Variants in CADPS observed in about 807,000 individuals in gnomAD.
CADPS encodes the protein calcium dependent secretion activator, also known as calcium-dependent secretion activator 1.
In CADPS, 57 loss-of-function variants were observed where a neutral mutation model predicts 167.3. That is an observed-to-expected ratio of 0.34 (90% CI 0.28 to 0.42). The LOEUF (loss-of-function observed/expected upper bound fraction) is 0.42. Among genes scored for constraint, CADPS ranks in the 20% least tolerant of loss-of-function variants. The probability of loss-of-function intolerance (pLI) is 1.00; values close to 1 mark genes in which losing one functional copy is unlikely to be tolerated. For missense variants in CADPS, 1,414 were observed against 1,738.1 expected, an observed-to-expected ratio of 0.81 and a Z score of 3.32; for synonymous variants, 676 against 635.3, an observed-to-expected ratio of 1.06 and a Z score of -0.96.
intron 1 of CADPS, among the ~76,000 whole-genome samples, chr3:62,768,635 C>T (rs1327530952): frequency 1.3e-5 from 2 of 152,064 alleles, no homozygotes; most frequent in African/African-American, 4.8e-5. Context: ...CTGATCTCAC[C>T]TGTTACTTCT....
intron 1 of CADPS, among the ~76,000 whole-genome samples, chr3:62,851,926 T>C (rs1013046837): frequency 1.1e-4 from 17 of 151,870 alleles, no homozygotes; most frequent in Non-Finnish European, 1.9e-4. Flanking sequence ...CAGACGTAGA[T>C]TTGGTCTTTT....
At chr3:62,840,914 C>G (rs75484106) in intron 1 of CADPS, among the ~76,000 whole-genome samples, 1 of 152,044 alleles carries the variant, frequency 6.6e-6, no homozygotes, top group African/African-American at 2.4e-5. Context: ...TGTGATATAC[C>G]GATTAGGAAA....
intron 1 of CADPS, among the ~76,000 whole-genome samples, chr3:62,791,331 A>G (rs935584272): frequency 1.1e-4 from 17 of 152,182 alleles, no homozygotes; most frequent in African/African-American, 4.1e-4. Flanking sequence ...TTTAATTTCA[A>G]TTAATTGAAA....
intron 26 of CADPS, among the ~76,000 whole-genome samples, chr3:62,451,973 T>C (rs1214668814): frequency 6.6e-6 from 1 of 152,216 alleles, no homozygotes; most frequent in East Asian, 1.9e-4. Flanking sequence ...ACCAGCCTCA[T>C]ATCTAGAATG....
intron 1 of CADPS, among the ~76,000 whole-genome samples, chr3:62,784,951 G>A (rs1241087286): frequency 6.6e-6 from 1 of 152,134 alleles, no homozygotes; most frequent in African/African-American, 2.4e-5. Flanking sequence ...TACTGTTAGG[G>A]TTTCAGGTGT....
At chr3:62,576,064 C>T (rs544878472) in intron 8 of CADPS, among the ~76,000 whole-genome samples, 1 of 152,284 alleles carries the variant, frequency 6.6e-6, no homozygotes, top group East Asian at 1.9e-4. Flanking sequence ...GATGGAAGTT[C>T]TGTTATTGCA....
chr3:62,785,462 T>C (rs1035244013), intron 1 of CADPS, among the ~76,000 whole-genome samples: 10 of 152,192 alleles, frequency 6.6e-5, no homozygotes, highest in Admixed American at 3.3e-4. Flanking sequence ...GTTTTTGTTG[T>C]TGTTGTTGAT....
At chr3:62,489,826 A>G (rs1466546212) in intron 21 of CADPS, among the ~76,000 whole-genome samples, 1 of 152,204 alleles carries the variant, frequency 6.6e-6, no homozygotes, top group Non-Finnish European at 1.5e-5. Context: ...AACTGTCTTC[A>G]TTGTATTGAA....
chr3:62,413,747 T>C (rs2049449319), intron 28 of CADPS, among the ~76,000 whole-genome samples: 1 of 152,196 alleles, frequency 6.6e-6, no homozygotes, highest in Admixed American at 6.5e-5. Context: ...AGACAGTACA[T>C]TTTTTGTTAT....
At chr3:62,542,174 G>T (rs1002356021) in intron 11 of CADPS, among the ~76,000 whole-genome samples, 1 of 152,122 alleles carries the variant, frequency 6.6e-6, no homozygotes, top group Non-Finnish European at 1.5e-5. Context: ...TAATAAGCTA[G>T]AGGTAGCTGT....
chr3:62,852,481 T>G (rs2078825777), intron 1 of CADPS, among the ~76,000 whole-genome samples: 1 of 152,288 alleles, frequency 6.6e-6, no homozygotes, highest in South Asian at 2.1e-4. Flanking sequence ...TCATTTTCCT[T>G]TGCCCGGTGT....
chr3:62,690,966 T>C (rs1201488011), intron 3 of CADPS, among the ~76,000 whole-genome samples: 2 of 152,006 alleles, frequency 1.3e-5, no homozygotes, highest in Admixed American at 6.6e-5. Context: ...CTGTGGTACA[T>C]TTAGACAATA....
intron 4 of CADPS, among the ~76,000 whole-genome samples, chr3:62,652,952 C>T (rs2150249776): frequency 6.6e-6 from 1 of 152,152 alleles, no homozygotes; most frequent in East Asian, 1.9e-4. Flanking sequence ...CTCCATAGAG[C>T]TTGGAGATGT....
At chr3:62,821,386 T>A (rs943026159) in intron 1 of CADPS, among the ~76,000 whole-genome samples, 5 of 152,138 alleles carry the variant, frequency 3.3e-5, no homozygotes, top group African/African-American at 1.2e-4. Context: ...TATTTTGCAA[T>A]TCTGGAGTCT....
rs754525643 is a variant in CADPS, at chr3:62,875,050, G to T, written c.-21C>A. 6.4e-7 allele frequency: 1 copy of T among 1,572,030 alleles called. No individual in the cohort carries two copies. The highest frequency in any genetic ancestry group is 1.8e-5 in the Admixed American group (1 of 56,928). On this transcript the variant is annotated 5_prime_UTR_variant, in exon 1 of 30. Transcript: ENST00000383710. ...AGCATAGTGGCGCCTGGGGAGCGGG[G>T]TCTCTGGAGCCCCCGGCTTGGAGTG...
At chr3:62,668,098 C>T (rs1406518195) in intron 3 of CADPS, among the ~76,000 whole-genome samples, 4 of 152,280 alleles carry the variant, frequency 2.6e-5, no homozygotes, top group Admixed American at 1.3e-4. Context: ...TCATCAGTGT[C>T]GCTGCCAAGA....
At chr3:62,504,024 A>G (rs1195249647) in intron 17 of CADPS, among the ~76,000 whole-genome samples, 1 of 152,220 alleles carries the variant, frequency 6.6e-6, no homozygotes, top group African/African-American at 2.4e-5. Context: ...GCAGGCATGT[A>G]GGAAATGGAA....
chr3:62,844,310 G>A (rs2077065830), intron 1 of CADPS, among the ~76,000 whole-genome samples: 1 of 152,162 alleles, frequency 6.6e-6, no homozygotes. Context: ...GGGGAAATGG[G>A]AAACAGTAAA....
At chr3:62,858,339 T>C (rs1437932998) in intron 1 of CADPS, among the ~76,000 whole-genome samples, 1 of 152,162 alleles carries the variant, frequency 6.6e-6, no homozygotes, top group Non-Finnish European at 1.5e-5. Context: ...TGATACATGC[T>C]TCCTTCCATA....
Sources: gnomAD v4.1 joint callset for allele counts (sites outside exome capture counted in the v4.1 genomes callset) on GRCh38, gnomAD v4.1.1 for gene constraint, MANE v1.5 for transcripts, NCBI Gene and HGNC (gene_info 2026-07-23, HGNC 2026-07-21) for gene names.